The following FARS2 variants were observed in gnomAD, a reference collection of about 807,000 sequenced individuals.
FARS2 encodes the protein phenylalanine--tRNA ligase, mitochondrial.
Under a neutral mutation model 46.4 loss-of-function variants are expected in FARS2, and 40 were observed. The ratio of observed to expected loss-of-function variants is 0.86; its 90% CI spans 0.67 to 1.12. The LOEUF is 1.12. Among genes scored for constraint, FARS2 ranks in the 50% most tolerant of loss-of-function variants. The pLI is 0.00. For synonymous variants in FARS2, 234 were observed against 214.9 expected (o/e 1.09, Z -0.78); for missense variants, 513 against 567.9 (o/e 0.90, Z 0.98).
At chr6:5,256,974 TATCAA>T (rs1444422711), upstream of FARS2, among the ~76,000 whole-genome samples, 1 of 152,126 alleles carries the variant, frequency 6.6e-6, no homozygotes, top group African/African-American at 2.4e-5. Flanking sequence ...TCTAATGATT[TATCAA>T]ATACAACATT....
chr6:5,504,534 A>G (rs9328307), intron 4 of FARS2, among the ~76,000 whole-genome samples: 76,874 of 151,692 alleles, frequency 0.51, 20,109 homozygotes, highest in Non-Finnish European at 0.58. Context: ...AAAAATTAAA[A>G]TAGTGTGGAC....
intron 6 of FARS2, among the ~76,000 whole-genome samples, chr6:5,766,054 C>A (rs1467240500): frequency 6.6e-6 from 1 of 152,230 alleles, no homozygotes; most frequent in Admixed American, 6.5e-5. Flanking sequence ...TTTTTAGAAT[C>A]TCTCTTCAAA....
chr6:5,325,629 G>C lies in FARS2; in HGVS notation c.-21-42921G>C, dbSNP rs139173947. On this transcript the variant is annotated intron_variant, in intron 1 of 6. Coordinates refer to ENST00000274680, the MANE Select transcript of FARS2 (RefSeq NM_006567.5). ...AAACAAGTCTCAGGTAGAATTACTTGCATCCATTATCAAGCTAGCCATGAA... is the reference window on the plus strand; with the variant it reads ...AAACAAGTCTCAGGTAGAATTACTTCCATCCATTATCAAGCTAGCCATGAA... Among the ~76,000 whole-genome samples the C allele has an allele frequency of 6.4e-3, 977 of 152,278 alleles. 19 individuals are homozygous for C. The highest frequency in any genetic ancestry group is 0.023 in the African/African-American group (939 of 41,542).
At chr6:5,260,263 A>T (rs1376091968), upstream of FARS2, among the ~76,000 whole-genome samples, 4 of 152,116 alleles carry the variant, frequency 2.6e-5, no homozygotes, top group South Asian at 4.1e-4. Flanking sequence ...TCCACTCTCA[A>T]CTCTTCCAGT....
rs540950698 is a variant in FARS2 at position 5,329,381 on chromosome 6, C to T, written c.-21-39169C>T. On this transcript the variant is annotated intron_variant, in intron 1 of 6. Coordinates refer to ENST00000274680, the MANE Select transcript of FARS2 (RefSeq NM_006567.5). Reference sequence around the variant, plus strand: ...TATTTTTCAATTGTCTTTTTGTTGCCGTGGCATGGTTGATGTGCTTTCAAC... The same window carrying T: ...TATTTTTCAATTGTCTTTTTGTTGCTGTGGCATGGTTGATGTGCTTTCAAC... Among the ~76,000 whole-genome samples, 9 of 152,112 alleles carry T rather than the reference C, an allele frequency of 5.9e-5. No individual in the cohort carries two copies. The South Asian group carries it at 6.2e-4, about 11-fold the overall frequency.
At chr6:5,576,558 A>G (rs1772976497) in intron 5 of FARS2, among the ~76,000 whole-genome samples, 1 of 148,100 alleles carries the variant, frequency 6.8e-6, no homozygotes, top group South Asian at 2.1e-4. Context: ...TATATATATC[A>G]TATATAGAGT....
At chr6:5,575,385 G>T (rs1195825442) in intron 5 of FARS2, among the ~76,000 whole-genome samples, 1 of 152,164 alleles carries the variant, frequency 6.6e-6, no homozygotes, top group Non-Finnish European at 1.5e-5. Flanking sequence ...AGTGCACGCA[G>T]AATCTGGGCA....
At chr6:5,522,984 C>T (rs1188125733) in intron 4 of FARS2, among the ~76,000 whole-genome samples, 2 of 152,152 alleles carry the variant, frequency 1.3e-5, no homozygotes, top group Admixed American at 6.5e-5. Flanking sequence ...TGAGTACAGA[C>T]ATTTGGGATG....
chr6:5,401,790 T>C (rs193034334), intron 2 of FARS2, among the ~76,000 whole-genome samples: 2 of 152,302 alleles, frequency 1.3e-5, no homozygotes, highest in Admixed American at 1.3e-4. Flanking sequence ...GGCTTCATTG[T>C]TGTCTTGTTT....
upstream of FARS2, chr6:5,260,585 C>G: frequency 7.7e-7 from 1 of 1,300,622 alleles, no homozygotes; most frequent in Admixed American, 2.1e-5. Context: ...TCCGCGTCAG[C>G]CCGCACCCCC....
intron 6 of FARS2, among the ~76,000 whole-genome samples, chr6:5,707,772 G>A (rs146064730): frequency 0.012 from 1,886 of 152,266 alleles, 53 homozygotes; most frequent in African/African-American, 0.043. Context: ...CATCCCCGGC[G>A]CACATCTCAC....
At chr6:5,279,099 C>T (rs552100953) in intron 1 of FARS2, among the ~76,000 whole-genome samples, 102 of 152,158 alleles carry the variant, frequency 6.7e-4, no homozygotes, top group Non-Finnish European at 1.0e-3. Context: ...ATCTTGAGGC[C>T]GGGCACAGTG....
chr6:5,433,945 G>A (rs7756757), intron 4 of FARS2, among the ~76,000 whole-genome samples: 1 of 152,132 alleles, frequency 6.6e-6, no homozygotes, highest in East Asian at 1.9e-4. Context: ...ATTATTGCAC[G>A]TTAATGAGGC....
chr6:5,731,400 C>T (rs1263455398), intron 6 of FARS2, among the ~76,000 whole-genome samples: 1 of 152,100 alleles, frequency 6.6e-6, no homozygotes, highest in Non-Finnish European at 1.5e-5. Flanking sequence ...CCTTGGTCCC[C>T]TCAGAGACCG....
intron 2 of FARS2, among the ~76,000 whole-genome samples, chr6:5,403,801 T>C (rs768705984): frequency 5.3e-5 from 8 of 152,196 alleles, no homozygotes; most frequent in Non-Finnish European, 7.3e-5. Context: ...TTCTACCAAG[T>C]AAAGACCTGC....
chr6:5,689,605 T>A (rs1394439062), intron 6 of FARS2, among the ~76,000 whole-genome samples: 21 of 151,896 alleles, frequency 1.4e-4, no homozygotes, highest in East Asian at 3.9e-4. Context: ...TGCTGAGGAG[T>A]GCTTTACTTC....
intron 4 of FARS2, among the ~76,000 whole-genome samples, chr6:5,498,983 C>T (rs149245643): frequency 0.084 from 12,838 of 152,076 alleles, 713 homozygotes; most frequent in Admixed American, 0.15. Flanking sequence ...CTGCAACCTC[C>T]GCCTCCTGGG....
intron 5 of FARS2, among the ~76,000 whole-genome samples, chr6:5,602,194 A>C (rs1158736922): frequency 2.0e-5 from 3 of 152,206 alleles, no homozygotes; most frequent in South Asian, 4.1e-4. Flanking sequence ...GGTAAGGGGA[A>C]TATTTTGATG....
intron 4 of FARS2, among the ~76,000 whole-genome samples, chr6:5,436,834 A>G (rs1763551261): frequency 6.6e-6 from 1 of 152,216 alleles, no homozygotes; most frequent in Admixed American, 6.5e-5. Flanking sequence ...AATTCTTACG[A>G]ATGACTCACA....
Sources: gnomAD v4.1 joint callset for allele counts (sites outside exome capture counted in the v4.1 genomes callset) on GRCh38, gnomAD v4.1.1 for gene constraint, MANE v1.5 for transcripts, NCBI Gene and HGNC (gene_info 2026-07-23, HGNC 2026-07-21) for gene names.